The following SLC36A4 variants were observed in gnomAD, a reference collection of about 807,000 sequenced individuals.
SLC36A4 encodes solute carrier family 36 member 4, also known as neutral amino acid uniporter 4.
Under a neutral mutation model 50.5 loss-of-function variants are expected in SLC36A4, and 49 were observed. The ratio of observed to expected loss-of-function variants is 0.97; its 90% CI spans 0.77 to 1.23. SLC36A4 has a LOEUF of 1.23. Among genes scored for constraint, SLC36A4 ranks in the 50% most tolerant of loss-of-function variants. SLC36A4 has a pLI of 0.00. For synonymous variants in SLC36A4, 207 were observed against 206.5 expected, an observed-to-expected ratio of 1.00 and a Z score of -0.02; for missense variants, 611 against 608.4, an observed-to-expected ratio of 1.00 and a Z score of -0.05.
At position 93,154,240 on chromosome 11, in the gene SLC36A4, T is replaced by C. The variant is rs367750102; in HGVS notation, c.1075A>G (p.Ile359Val). 1.5e-5 allele frequency: 23 copies of C among 1,486,854 alleles called. No homozygotes were observed. Among genetic ancestry groups the C allele is most frequent in the Non-Finnish European group, 2.0e-5 (22 of 1,115,058 alleles). The allele number at this position is 1,486,854 out of a possible 1,614,324, so 92.1% of individuals were successfully genotyped here. A position where few individuals can be genotyped will look rare whatever the true frequency, so the allele number is the denominator to read the frequency against. ...QSVKILYSFG[I>V]FVTYSIQFYV... is the part of the protein sequence containing the mutation. ...AACTGAATTGAATATGTCACAAAAA[T>C]GCCAAAGGAATATAGAATTTTCACT... Residue 359 changes from isoleucine to valine, a missense_variant, in exon 10 of 11, where the codon ATT (isoleucine) becomes GTT (valine). Ile to Val is a conservative substitution (Grantham distance 29). Transcript: ENST00000326402.
At chr11:93,154,433 T>A in intron 9 of SLC36A4, 156 bp from the exon 10 acceptor site, 1 of 372,668 alleles carries the variant, frequency 2.7e-6, no homozygotes, top group Non-Finnish European at 4.8e-6. Flanking sequence ...GGCAAATTGA[T>A]CTCTAACTAA....
intron 1 of SLC36A4, 90 bp downstream of exon 1, chr11:93,197,688 G>T: frequency 7.1e-7 from 1 of 1,400,974 alleles, no homozygotes; most frequent in Non-Finnish European, 9.7e-7. Flanking sequence ...CAGGCCAAGC[G>T]CGGGGCCCCT....
chr11:93,195,373 T>C (rs926487811), intron 1 of SLC36A4, among the ~76,000 whole-genome samples: 3 of 152,044 alleles, frequency 2.0e-5, no homozygotes, highest in African/African-American at 4.8e-5. Flanking sequence ...CGTTTTACTC[T>C]CTAACCCTCA....
chr11:93,165,878 T>C (rs1263178132), intron 8 of SLC36A4, 40 bp downstream of exon 8: 15 of 1,304,024 alleles, frequency 1.2e-5, no homozygotes, highest in Non-Finnish European at 1.6e-5. Context: ...TTGTGCTGAA[T>C]TAAGATTTTA....
chr11:93,162,826 G>T lies in SLC36A4; in HGVS notation c.917C>A (p.Ala306Glu). The T allele has an allele frequency of 3.7e-6, 6 of 1,613,656 alleles. No individual in the cohort carries two copies. Among genetic ancestry groups the T allele is most frequent in the Non-Finnish European group, 5.1e-6 (6 of 1,179,846 alleles). The part of the protein sequence containing the change: ...QMKESKRFPQ[A>E]LNIGMGIVTT... Reference sequence around the variant, plus strand: ...AACAATCCCCATGCCAATATTCAACGCTTGAGGGAAACGCTTTGATTCTTT... The same window carrying T: ...AACAATCCCCATGCCAATATTCAACTCTTGAGGGAAACGCTTTGATTCTTT... The change falls in exon 9 of 11, where the codon GCG becomes GAG. Residue 306 changes from alanine to glutamate, a missense_variant. By Grantham distance (107) the Ala-to-Glu change is moderately radical (BLOSUM62 -1). Transcript: ENST00000326402.
At chr11:93,195,299 T>C (rs1862372943) in intron 1 of SLC36A4, among the ~76,000 whole-genome samples, 1 of 151,898 alleles carries the variant, frequency 6.6e-6, no homozygotes. Context: ...CACCATAATA[T>C]CCCAGTTAAT....
At position 93,151,583 on chromosome 11, in the gene SLC36A4, T is replaced by C. The variant is rs1371392162; in HGVS notation, c.1207+2525A>G. On this transcript the variant is annotated intron_variant, in intron 10 of 10. Transcript: ENST00000326402. ...TAAGACAGGATATCAGGAAACAGAA[T>C]GGTACTTTTCTAGTCTGCAGAGGCA... Among the ~76,000 whole-genome samples the C allele has an allele frequency of 2.0e-5, 3 of 152,178 alleles. No individual in the cohort carries two copies. The East Asian group carries it at 5.8e-4, about 29-fold the overall frequency.
chr11:93,171,371 T>C (rs911148653), intron 6 of SLC36A4: 2 of 151,980 alleles, frequency 1.3e-5, no homozygotes, highest in Non-Finnish European at 2.9e-5. Context: ...ACAAACACAC[T>C]CACAACTAAA....
intron 6 of SLC36A4, chr11:93,171,562 A>T (rs1038443861): frequency 2.6e-5 from 4 of 152,126 alleles, no homozygotes; most frequent in Non-Finnish European, 5.9e-5. Flanking sequence ...AACATTAAAT[A>T]ATGTATATCA....
At chr11:93,157,710 T>C (rs1023767891) in intron 9 of SLC36A4, among the ~76,000 whole-genome samples, 2 of 152,220 alleles carry the variant, frequency 1.3e-5, no homozygotes, top group East Asian at 1.9e-4. Flanking sequence ...TTTTTGCACA[T>C]TGATTTTGCA....
chr11:93,177,700 C>T (rs991387743), intron 6 of SLC36A4, among the ~76,000 whole-genome samples: 6 of 152,180 alleles, frequency 3.9e-5, no homozygotes, highest in African/African-American at 7.2e-5. Flanking sequence ...TATTGCAGAA[C>T]GGCAAACGTT....
At chr11:93,171,805 T>C (rs980782551) in intron 6 of SLC36A4, 4 of 152,128 alleles carry the variant, frequency 2.6e-5, no homozygotes, top group Non-Finnish European at 4.4e-5. Context: ...CCTAGGAATA[T>C]GCAATTTGTA....
intron 6 of SLC36A4, among the ~76,000 whole-genome samples, chr11:93,176,304 G>C (rs1365485027): frequency 6.7e-6 from 1 of 150,194 alleles, no homozygotes; most frequent in African/African-American, 2.4e-5. Flanking sequence ...TTGCTTGGTA[G>C]ATCTTCCTCC....
At chr11:93,191,289 A>C (rs1048229846) in intron 1 of SLC36A4, among the ~76,000 whole-genome samples, 14 of 152,118 alleles carry the variant, frequency 9.2e-5, no homozygotes, top group African/African-American at 3.1e-4. Context: ...TTTTTAGGAG[A>C]GCTTTTAGCC....
chr11:93,195,534 C>T (rs1243925789), intron 1 of SLC36A4, among the ~76,000 whole-genome samples: 1 of 152,158 alleles, frequency 6.6e-6, no homozygotes, highest in Admixed American at 6.6e-5. Flanking sequence ...TTACTTTTGC[C>T]CCCTTACAGT....
At chr11:93,180,335 C>T (rs1035096599) in intron 6 of SLC36A4, 15 of 985,030 alleles carry the variant, frequency 1.5e-5, no homozygotes, top group African/African-American at 1.7e-5. Flanking sequence ...TCTCAAAAAA[C>T]TACAGAAAAC....
chr11:93,175,295 C>T (rs1322885409), intron 6 of SLC36A4, among the ~76,000 whole-genome samples: 1 of 152,020 alleles, frequency 6.6e-6, no homozygotes, highest in South Asian at 2.1e-4. Context: ...GTGATGATAT[C>T]CCCTTTATCA....
chr11:93,154,397 A>T, intron 9 of SLC36A4, 120 bp from the exon 10 acceptor site: 1 of 443,124 alleles, frequency 2.3e-6, no homozygotes, highest in African/African-American at 2.0e-5. Flanking sequence ...GAACCTTACT[A>T]ACTAAAAATG....
intron 9 of SLC36A4, among the ~76,000 whole-genome samples, chr11:93,161,895 C>T (rs1438416435): frequency 6.6e-6 from 1 of 152,082 alleles, no homozygotes. Context: ...AAATCATATA[C>T]ATATGATGCT....
Sources: allele counts gnomAD v4.1 joint callset (sites outside exome capture counted in the v4.1 genomes callset), GRCh38; gene constraint gnomAD v4.1.1; transcripts MANE v1.5; gene names NCBI Gene and HGNC (gene_info 2026-07-23, HGNC 2026-07-21).